Variants in TBC1D22A observed in about 807,000 individuals in gnomAD.
The protein encoded by TBC1D22A is TBC1 domain family member 22A.
A neutral mutation model predicts 60.2 loss-of-function variants in TBC1D22A; 38 were observed. The observed-to-expected ratio is 0.63, with a 90% CI of 0.49 to 0.83. The LOEUF is 0.83. Ranked by LOEUF, TBC1D22A falls within the 40% of genes least tolerant of loss-of-function variation. TBC1D22A has a pLI of 0.00. For missense variants in TBC1D22A, 628 were observed against 701.0 expected, an observed-to-expected ratio of 0.90 and a Z score of 1.18; for synonymous variants, 302 against 281.7, an observed-to-expected ratio of 1.07 and a Z score of -0.72.
chr22:47,148,663 C>T (rs1025100209), intron 12 of TBC1D22A, among the ~76,000 whole-genome samples: 8 of 145,908 alleles, frequency 5.5e-5, no homozygotes, highest in Non-Finnish European at 9.1e-5. Context: ...TCCTGGGGTC[C>T]GTTCCTCTCC....
chr22:47,043,374 C>T (rs1040254470), intron 11 of TBC1D22A, among the ~76,000 whole-genome samples: 3 of 152,170 alleles, frequency 2.0e-5, no homozygotes, highest in African/African-American at 4.8e-5. Flanking sequence ...GGCCAGGATG[C>T]GGCTGTCCCC....
At chr22:46,771,531 T>G (rs2083477862) in intron 1 of TBC1D22A, among the ~76,000 whole-genome samples, 2 of 152,000 alleles carry the variant, frequency 1.3e-5, no homozygotes, top group African/African-American at 4.8e-5. Context: ...CCTTTTCCTC[T>G]GAGTCCCTGA....
At chr22:46,983,220 G>T (rs1371288156) in intron 9 of TBC1D22A, among the ~76,000 whole-genome samples, 1 of 152,196 alleles carries the variant, frequency 6.6e-6, no homozygotes, top group Non-Finnish European at 1.5e-5. Context: ...AGGGTGCCCA[G>T]GCTGGCTTGT....
At chr22:46,924,669 C>T (rs1027315655) in intron 8 of TBC1D22A, among the ~76,000 whole-genome samples, 31 of 151,584 alleles carry the variant, frequency 2.0e-4, no homozygotes, top group Non-Finnish European at 4.0e-4. Context: ...TGCTTGAACC[C>T]GGGAGGTGGA....
At chr22:47,086,441 G>C (rs922043899) in intron 11 of TBC1D22A, among the ~76,000 whole-genome samples, 12 of 152,052 alleles carry the variant, frequency 7.9e-5, no homozygotes, top group African/African-American at 2.9e-4. Flanking sequence ...GGCGACAAGA[G>C]TGAAACCCCA....
chr22:46,989,663 T>C (rs1223766928), intron 9 of TBC1D22A, among the ~76,000 whole-genome samples: 1 of 151,820 alleles, frequency 6.6e-6, no homozygotes, highest in African/African-American at 2.4e-5. Flanking sequence ...AAAACAATTA[T>C]GATAGTAACA....
intron 11 of TBC1D22A, among the ~76,000 whole-genome samples, chr22:47,083,743 C>T (rs2064566344): frequency 6.6e-6 from 1 of 152,146 alleles, no homozygotes; most frequent in Non-Finnish European, 1.5e-5. Flanking sequence ...ATCCCACACA[C>T]TGGTGGGAAG....
rs1329829784 is a variant in TBC1D22A at position 46,805,806 on chromosome 22, G to A, written c.637+8186G>A. Among the ~76,000 whole-genome samples the A allele has an allele frequency of 1.5e-4, 17 of 109,904 alleles. 2 individuals carry two copies. Among genetic ancestry groups the A allele is most frequent in the Admixed American group, 1.3e-3 (11 of 8,784 alleles). The allele number at this position is 109,904 out of a possible 152,430, so 72.1% of individuals were successfully genotyped here. ...CACCGCCCCCCCACACCCCCCACCC[G>A]ATTTCTGGTTCCTTAATGTCTTTCT... On this transcript the variant is annotated intron_variant, in intron 4 of 12. Coordinates refer to ENST00000337137, the MANE Select transcript of TBC1D22A (RefSeq NM_014346.5).
chr22:46,888,110 T>C (rs755533379), intron 5 of TBC1D22A, among the ~76,000 whole-genome samples: 2 of 152,250 alleles, frequency 1.3e-5, no homozygotes, highest in African/African-American at 2.4e-5. Context: ...ACTGTGCGCG[T>C]TCACTTTCAT....
chr22:46,812,433 A>G (rs970043242), intron 4 of TBC1D22A, among the ~76,000 whole-genome samples: 2 of 152,202 alleles, frequency 1.3e-5, no homozygotes, highest in African/African-American at 2.4e-5. Context: ...ACAGTGGCCC[A>G]GATGTGAGGC....
At chr22:47,018,674 G>A (rs1284969952) in intron 10 of TBC1D22A, among the ~76,000 whole-genome samples, 1 of 152,132 alleles carries the variant, frequency 6.6e-6, no homozygotes, top group East Asian at 1.9e-4. Flanking sequence ...AAAGATGCGT[G>A]AGCTGGGACA....
intron 11 of TBC1D22A, among the ~76,000 whole-genome samples, chr22:47,059,971 G>A (rs1182104428): frequency 1.3e-5 from 2 of 152,158 alleles, no homozygotes; most frequent in Admixed American, 6.5e-5. Context: ...CAGGAGCGTC[G>A]CACAGCCGCC....
chr22:46,890,598 G>A (rs774885128), intron 5 of TBC1D22A, among the ~76,000 whole-genome samples: 7 of 152,110 alleles, frequency 4.6e-5, no homozygotes, highest in Non-Finnish European at 8.8e-5. Context: ...TGTCAATAAT[G>A]TCAAGTTAAA....
intron 7 of TBC1D22A, among the ~76,000 whole-genome samples, chr22:46,909,510 G>A (rs1468868830): frequency 3.3e-5 from 5 of 152,312 alleles, no homozygotes; most frequent in Admixed American, 1.3e-4. Flanking sequence ...CTGGACACAC[G>A]TGGAGGGATG....
chr22:46,869,068 CTG>C (rs2067189427), intron 4 of TBC1D22A, among the ~76,000 whole-genome samples: 1 of 152,204 alleles, frequency 6.6e-6, no homozygotes, highest in Non-Finnish European at 1.5e-5. Context: ...CCTCCCACTG[CTG>C]TGTCTGCTGT....
intron 4 of TBC1D22A, among the ~76,000 whole-genome samples, chr22:46,812,172 C>T (rs2085404648): frequency 6.6e-6 from 1 of 152,114 alleles, no homozygotes; most frequent in Admixed American, 6.5e-5. Context: ...GGGGGTGACA[C>T]TTTGAAATTC....
At chr22:46,986,852 CAG>C (rs942121660) in intron 9 of TBC1D22A, among the ~76,000 whole-genome samples, 1 of 152,176 alleles carries the variant, frequency 6.6e-6, no homozygotes, top group Non-Finnish European at 1.5e-5. Flanking sequence ...GGATCTCTGT[CAG>C]GGCATGGTGT....
chr22:46,894,970 C>T lies in TBC1D22A; in HGVS notation c.900+124C>T, dbSNP rs868716175. On this transcript the variant is annotated intron_variant, in intron 7 of 12. Transcript: ENST00000337137. Reference sequence around the variant, plus strand: ...AAGCAAGGTTGCTGTGGTGAGCTGCCGGTGCATCTAGCCCTTGTGGACACA... The same window carrying T: ...AAGCAAGGTTGCTGTGGTGAGCTGCTGGTGCATCTAGCCCTTGTGGACACA... 51 of 939,376 alleles carry T rather than the reference C, an allele frequency of 5.4e-5. 1 individual carries two copies. The African/African-American group carries it at 5.8e-4, about 11-fold the overall frequency. 58.2% of individuals were successfully genotyped at this position (939,376 alleles called of 1,614,324 possible). A position where few individuals can be genotyped will look rare whatever the true frequency, so the allele number is the denominator to read the frequency against.
At chr22:46,909,501 T>C (rs912380653) in intron 7 of TBC1D22A, among the ~76,000 whole-genome samples, 3 of 152,314 alleles carry the variant, frequency 2.0e-5, no homozygotes, top group African/African-American at 7.2e-5. Context: ...CGCGGTCCTC[T>C]GGACACACGT....
Sources: allele counts gnomAD v4.1 joint callset (sites outside exome capture counted in the v4.1 genomes callset), GRCh38; gene constraint gnomAD v4.1.1; transcripts MANE v1.5; gene names NCBI Gene and HGNC (gene_info 2026-07-23, HGNC 2026-07-21).